TAS2R1: variants seen among roughly 807,000 people sequenced by gnomAD.
TAS2R1 encodes the protein taste receptor type 2 member 1.
For missense variants in TAS2R1, 370 were observed against 353.4 expected (o/e 1.05, Z -0.38); for synonymous variants, 141 against 134.2 (o/e 1.05, Z -0.35).
chr5:9,674,573 G>C (rs1477210087), intron 1 of TAS2R1, among the ~76,000 whole-genome samples: 2 of 152,074 alleles, frequency 1.3e-5, no homozygotes, highest in African/African-American at 4.8e-5. Flanking sequence ...GCTGATAATA[G>C]TGTATACCTC....
chr5:9,714,454 G>A (rs1022916080), upstream of TAS2R1, among the ~76,000 whole-genome samples: 1 of 152,214 alleles, frequency 6.6e-6, no homozygotes, highest in African/African-American at 2.4e-5. Context: ...TTTGTCATCA[G>A]CCAGTGCTAC....
At chr5:9,868,659 A>C in the TAS2R1 span, among the ~76,000 whole-genome samples, 2 of 152,188 alleles carry the variant, frequency 1.3e-5, no homozygotes, top group African/African-American at 4.8e-5. Context: ...TTGGCTCCTC[A>C]TTATTTATGC....
the TAS2R1 span, among the ~76,000 whole-genome samples, chr5:9,743,381 CA>C: frequency 6.6e-6 from 1 of 151,796 alleles, no homozygotes; most frequent in Non-Finnish European, 1.5e-5. Flanking sequence ...AGGTTTGTTA[CA>C]TATGTATACA....
At chr5:9,850,121 G>A in the TAS2R1 span, among the ~76,000 whole-genome samples, 24 of 151,968 alleles carry the variant, frequency 1.6e-4, no homozygotes, top group Middle Eastern at 3.2e-3. Flanking sequence ...CCCTCAAAGC[G>A]CAGCCCAAAC....
chr5:9,685,741 G>A (rs1741111213), intron 1 of TAS2R1, among the ~76,000 whole-genome samples: 2 of 152,282 alleles, frequency 1.3e-5, no homozygotes, highest in South Asian at 2.1e-4. Flanking sequence ...AGGGAAGACT[G>A]CAAAGTATTT....
the TAS2R1 span, among the ~76,000 whole-genome samples, chr5:9,760,448 G>A: frequency 6.6e-6 from 1 of 152,112 alleles, no homozygotes; most frequent in Non-Finnish European, 1.5e-5. Context: ...ACCCTCAACA[G>A]AATATTAGCA....
At chr5:9,861,039 T>TTTTTTTTTTG in the TAS2R1 span, among the ~76,000 whole-genome samples, 4 of 147,364 alleles carry the variant, frequency 2.7e-5, no homozygotes, top group African/African-American at 1.0e-4. Context: ...AAGATGAGGT[T>TTTTTTTTTTG]TTTTTTTTTT....
At chr5:9,743,659 A>G in the TAS2R1 span, among the ~76,000 whole-genome samples, 2 of 152,214 alleles carry the variant, frequency 1.3e-5, no homozygotes. Context: ...CTGCATAAAC[A>G]TGAATATTTT....
At position 9,628,490 on chromosome 5, in the gene TAS2R1, T is replaced by C. The variant is rs1042502473; in HGVS notation, c.*643A>G. ...TATCAGTTGATTGGCCATGTCACCA[T>C]GGCATCTAGGCTCTCTGCAGGATGA... On this transcript the variant is annotated 3_prime_UTR_variant, in exon 1 of 1. Transcript: ENST00000382492. 1.3e-5 allele frequency among the ~76,000 whole-genome samples: 2 copies of C among 152,204 alleles called. No homozygotes were observed. Among genetic ancestry groups the C allele is most frequent in the Non-Finnish European group, 2.9e-5 (2 of 68,028 alleles).
chr5:9,873,942 G>A, the TAS2R1 span, among the ~76,000 whole-genome samples: 1 of 149,016 alleles, frequency 6.7e-6, no homozygotes, highest in Non-Finnish European at 1.5e-5. Context: ...GGTAGGGGAG[G>A]GGGAGACAGA....
At chr5:9,735,356 A>G in the TAS2R1 span, among the ~76,000 whole-genome samples, 1 of 151,530 alleles carries the variant, frequency 6.6e-6, no homozygotes, top group Non-Finnish European at 1.5e-5. Context: ...AACTGAAAAA[A>G]ATTTATGAGT....
chr5:9,699,102 A>C (rs1741423984), intron 1 of TAS2R1, among the ~76,000 whole-genome samples: 1 of 152,246 alleles, frequency 6.6e-6, no homozygotes, highest in African/African-American at 2.4e-5. Context: ...CAGATGGTAC[A>C]ATACAGAAGA....
intron 1 of TAS2R1, among the ~76,000 whole-genome samples, chr5:9,701,312 C>T (rs1299006832): frequency 6.6e-6 from 1 of 151,604 alleles, no homozygotes; most frequent in African/African-American, 2.4e-5. Flanking sequence ...TCCCGGACCC[C>T]TCCTTCCAAT....
Position 9,629,325 on chromosome 5 carries a change from G to C in TAS2R1, c.708C>G (p.Leu236=). Residue 236 remains leucine, a synonymous_variant, in exon 1 of 1, where the codon CTC becomes CTG. Transcript: ENST00000382492. ...CTTTTATCATGCAGTGGGAGAAGTA[G>C]AGGATCAGGAAGGACAGGATAGACA... ...ALLSILSFLI[L]YFSHCMIKVF... 6.2e-7 allele frequency: 1 copy of C among 1,613,704 alleles called. No homozygotes were observed. Among genetic ancestry groups the C allele is most frequent in the Non-Finnish European group, 8.5e-7 (1 of 1,179,864 alleles).
At chr5:9,705,827 A>C (rs975191989) in intron 1 of TAS2R1, among the ~76,000 whole-genome samples, 1 of 151,962 alleles carries the variant, frequency 6.6e-6, no homozygotes, top group Non-Finnish European at 1.5e-5. Flanking sequence ...ATGCCATTGC[A>C]CTCCAGCCTG....
chr5:9,812,504 A>C, the TAS2R1 span, among the ~76,000 whole-genome samples: 1 of 151,974 alleles, frequency 6.6e-6, no homozygotes, highest in Non-Finnish European at 1.5e-5. Flanking sequence ...AATTCAACAA[A>C]ACTATGGCCA....
intron 1 of TAS2R1, among the ~76,000 whole-genome samples, chr5:9,688,959 T>C (rs866419843): frequency 1.3e-5 from 2 of 152,102 alleles, no homozygotes; most frequent in Non-Finnish European, 2.9e-5. Flanking sequence ...AGCCAGGCCC[T>C]GGGAAGAAGT....
chr5:9,873,585 C>T, the TAS2R1 span, among the ~76,000 whole-genome samples: 11 of 151,382 alleles, frequency 7.3e-5, no homozygotes, highest in East Asian at 3.9e-4. Flanking sequence ...AGGGAGGGGA[C>T]GCTGGGCTCG....
the TAS2R1 span, among the ~76,000 whole-genome samples, chr5:9,720,838 C>T: frequency 1.3e-5 from 2 of 152,192 alleles, no homozygotes; most frequent in African/African-American, 4.8e-5. Context: ...GATTTTCTTT[C>T]CACCCTAGCA....
Sources: allele counts gnomAD v4.1 joint callset (sites outside exome capture counted in the v4.1 genomes callset), GRCh38; gene constraint gnomAD v4.1.1; transcripts MANE v1.5; gene names NCBI Gene and HGNC (gene_info 2026-07-23, HGNC 2026-07-21).